Variants in VIL1 observed in about 807,000 individuals in gnomAD.
VIL1 encodes villin-1.
VIL1 carries 86 observed loss-of-function variants against 104.0 expected under a neutral mutation model. The ratio of observed to expected loss-of-function variants is 0.83; its 90% CI spans 0.69 to 0.99. The LOEUF (loss-of-function observed/expected upper bound fraction) is 0.99. Ranked by LOEUF, VIL1 falls within the 50% of genes least tolerant of loss-of-function variation. The probability of loss-of-function intolerance (pLI) is 0.00; values close to 1 mark genes in which losing one functional copy is unlikely to be tolerated. For missense variants in VIL1, 944 were observed against 1,054.1 expected, an observed-to-expected ratio of 0.90 and a Z score of 1.45; for synonymous variants, 394 against 412.6, an observed-to-expected ratio of 0.95 and a Z score of 0.55.
At chr2:218,439,854 A>G (rs537675314) in intron 18 of VIL1, among the ~76,000 whole-genome samples, 56 of 151,682 alleles carry the variant, frequency 3.7e-4, no homozygotes, top group African/African-American at 1.3e-3. Context: ...AAAAGAAAAG[A>G]AAAAAAATGT....
At chr2:218,449,188 G>A (rs1317974869) in intron 19 of VIL1, 35 bp from the exon 20 acceptor site, 2 of 1,514,570 alleles carry the variant, frequency 1.3e-6, no homozygotes, top group South Asian at 1.1e-5. Context: ...GGAAGGATAT[G>A]TGACCTTTGC....
At chr2:218,421,944 A>G (rs1388583638) in intron 1 of VIL1, among the ~76,000 whole-genome samples, 1 of 152,076 alleles carries the variant, frequency 6.6e-6, no homozygotes, top group Non-Finnish European at 1.5e-5. Context: ...TCATACAGCT[A>G]GTGAGTGTCA....
intron 4 of VIL1, among the ~76,000 whole-genome samples, chr2:218,427,468 G>A (rs547755913): frequency 6.6e-6 from 1 of 151,940 alleles, no homozygotes; most frequent in Non-Finnish European, 1.5e-5. Flanking sequence ...GGGATTACAG[G>A]CACCCGCCAC....
At position 218,436,485 on chromosome 2, in the gene VIL1, A is replaced by T; in HGVS notation, c.1830A>T (p.Leu610=). ...GKAPYANTKR[L]QEENLVITPR... ...CAATCTTCTCTCCATCCTGCAGACT[A>T]CAGGAAGAAAACCTGGTCATCACCC... Residue 610 remains leucine (L), a synonymous_variant, in exon 16 of 20, where the codon CTA becomes CTT. Coordinates refer to ENST00000248444, the MANE Select transcript of VIL1 (RefSeq NM_007127.3). The T allele has an allele frequency of 6.2e-7, 1 of 1,613,638 alleles. No individual in the cohort carries two copies. Among genetic ancestry groups the T allele is most frequent in the East Asian group, 2.2e-5 (1 of 44,856 alleles).
At chr2:218,429,810 C>G in intron 8 of VIL1, 39 bp from the exon 9 acceptor site, 1 of 1,598,248 alleles carries the variant, frequency 6.3e-7, no homozygotes, top group South Asian at 1.1e-5. Context: ...CAGTCCAGCA[C>G]CTCCAGCTCC....
chr2:218,419,789 G>A (rs1574809924), intron 1 of VIL1, among the ~76,000 whole-genome samples: 2 of 152,142 alleles, frequency 1.3e-5, no homozygotes, highest in East Asian at 1.9e-4. Flanking sequence ...CCCTCTACCC[G>A]GAGCTGCCCC....
rs1448226404 is a variant in VIL1 at position 218,428,285 on chromosome 2, A to G, written c.515A>G (p.Lys172Arg). The change falls in exon 6 of 20, where the codon AAG becomes AGG. Residue 172 changes from lysine (K) to arginine (R), a missense_variant. Transcript: ENST00000248444. Reference protein sequence around the residue: ...RGDVFLLDLGKLIIQWNGPES... With the variant: ...RGDVFLLDLGRLIIQWNGPES... ...GATGTTTTCCTCCTGGACCTTGGGA[A>G]GCTTATCATCCAGTGGAATGGACCG... is the stretch of plus-strand genomic sequence containing the variant. 1.9e-6 allele frequency: 3 copies of G among 1,614,052 alleles called. No individual in the cohort carries two copies. The highest frequency in any genetic ancestry group is 1.7e-5 in the Admixed American group (1 of 60,002).
At chr2:218,428,852 T>C (rs1461955247) in intron 6 of VIL1, among the ~76,000 whole-genome samples, 4 of 152,200 alleles carry the variant, frequency 2.6e-5, no homozygotes, top group Non-Finnish European at 4.4e-5. Context: ...TTTGTATTTT[T>C]AGTGGAGACA....
chr2:218,424,857 A>T (rs564257636), intron 3 of VIL1, among the ~76,000 whole-genome samples: 1 of 152,024 alleles, frequency 6.6e-6, no homozygotes, highest in Non-Finnish European at 1.5e-5. Context: ...ACGGGGTTTC[A>T]CCATGTTGAT....
chr2:218,444,130 T>C (rs1419497875), intron 19 of VIL1, among the ~76,000 whole-genome samples: 1 of 150,814 alleles, frequency 6.6e-6, no homozygotes, highest in Non-Finnish European at 1.5e-5. Context: ...CATACCCGGC[T>C]AATTTGTTTT....
intron 18 of VIL1, among the ~76,000 whole-genome samples, chr2:218,439,635 A>G (rs1689251265): frequency 6.6e-6 from 1 of 152,002 alleles, no homozygotes; most frequent in Non-Finnish European, 1.5e-5. Context: ...TCTTCGTAAC[A>G]TGGGGAAACC....
At chr2:218,437,939 G>A (rs775210586) in intron 17 of VIL1, among the ~76,000 whole-genome samples, 3 of 152,224 alleles carry the variant, frequency 2.0e-5, no homozygotes, top group Non-Finnish European at 4.4e-5. Context: ...AGTGAAGCCT[G>A]GCCTGGTGGC....
chr2:218,420,105 C>T (rs926685025), intron 1 of VIL1, among the ~76,000 whole-genome samples: 93 of 152,206 alleles, frequency 6.1e-4, no homozygotes, highest in African/African-American at 2.2e-3. Flanking sequence ...ACAACAGAGC[C>T]GCAACTCAAG....
intron 1 of VIL1, 137 bp from the exon 2 acceptor site, chr2:218,423,631 G>A (rs1688930228): frequency 1.3e-6 from 1 of 746,302 alleles, no homozygotes; most frequent in Admixed American, 2.3e-5. Flanking sequence ...TGGTCCCTGA[G>A]TGGGGAGTAA....
rs1689458176 is a variant in VIL1 at position 218,450,804 on chromosome 2, C to T, written c.*1468C>T. On this transcript the variant is annotated 3_prime_UTR_variant, in exon 20 of 20. Transcript: ENST00000248444. ...CATACCTATACTTTGAACCTCTGTA[C>T]TTTTAAGAAAAGTCCAATGTTACAA... 6.6e-6 allele frequency: 1 copy of T among 152,194 alleles called. No homozygotes were observed. Among genetic ancestry groups the T allele is most frequent in the African/African-American group, 2.4e-5 (1 of 41,454 alleles). 9.4% of individuals were successfully genotyped at this position (152,194 alleles called of 1,614,324 possible). A position where few individuals can be genotyped will look rare whatever the true frequency, so the allele number is the denominator to read the frequency against.
intron 19 of VIL1, among the ~76,000 whole-genome samples, chr2:218,443,936 T>C (rs1339241150): frequency 6.6e-6 from 1 of 151,974 alleles, no homozygotes; most frequent in African/African-American, 2.4e-5. Context: ...ATTACAGGCA[T>C]AAGACGCTGC....
chr2:218,434,689 A>C lies in VIL1; in HGVS notation c.1664A>C (p.Tyr555Ser). ...VFVLKTQSCC[Y>S]LWCGKGCSGD... is the part of the protein sequence containing the mutation. ...GTCCTCAAGACCCAGTCTTGCTGCT[A>C]TCTATGGTGTGGGAAGGTGTGTTCA... Residue 555 changes from tyrosine to serine, a missense_variant, in exon 14 of 20, where the codon TAT (tyrosine) becomes TCT (serine). Tyr to Ser is a moderately radical substitution (Grantham distance 144). Transcript: ENST00000248444. 6.2e-7 allele frequency: 1 copy of C among 1,613,480 alleles called. No individual in the cohort carries two copies. Among genetic ancestry groups the C allele is most frequent in the Non-Finnish European group, 8.5e-7 (1 of 1,179,670 alleles).
At chr2:218,423,661 C>G (rs62182128) in intron 1 of VIL1, 107 bp from the exon 2 acceptor site, 2 of 1,090,300 alleles carry the variant, frequency 1.8e-6, no homozygotes, top group Non-Finnish European at 1.4e-6. Context: ...CTCCCCCAAG[C>G]CCCTGAGCCT....
At position 218,436,585 on chromosome 2, in the gene VIL1, T is replaced by C. The variant is rs1689195574; in HGVS notation, c.1930T>C (p.Leu644=). Residue 644 remains leucine (L), a synonymous_variant, in exon 16 of 20, where the codon TTG becomes CTG. Coordinates refer to ENST00000248444, the MANE Select transcript of VIL1 (RefSeq NM_007127.3). ...GATCCCTGACTTCAATCAGGATGAC[T>C]TGGAAGAGGATGATGTGTTCCTACT... ...TEIPDFNQDD[L]EEDDVFLLDV... The C allele has an allele frequency of 6.2e-7, 1 of 1,614,042 alleles. No individual in the cohort carries two copies. Among genetic ancestry groups the C allele is most frequent in the East Asian group, 2.2e-5 (1 of 44,880 alleles).
Sources: allele counts gnomAD v4.1 joint callset (sites outside exome capture counted in the v4.1 genomes callset), GRCh38; gene constraint gnomAD v4.1.1; transcripts MANE v1.5; gene names NCBI Gene and HGNC (gene_info 2026-07-23, HGNC 2026-07-21).